The following KHDRBS3 variants were observed in gnomAD, a reference collection of about 807,000 sequenced individuals.
KHDRBS3 encodes the protein KH domain-containing, RNA-binding, signal transduction-associated protein 3.
In KHDRBS3, 23 loss-of-function variants were observed where a neutral mutation model predicts 45.6. The observed-to-expected ratio is 0.50, with a 90% CI of 0.36 to 0.72. The LOEUF (loss-of-function observed/expected upper bound fraction) is 0.72, where lower values mean the gene tolerates loss of function less well. Ranked by LOEUF, KHDRBS3 falls within the 30% of genes least tolerant of loss-of-function variation. The pLI is 0.00. For missense variants in KHDRBS3, 352 were observed against 424.8 expected, an observed-to-expected ratio of 0.83 and a Z score of 1.51; for synonymous variants, 162 against 156.5, an observed-to-expected ratio of 1.04 and a Z score of -0.26.
chr8:135,597,897 G>A (rs923038739), intron 6 of KHDRBS3, among the ~76,000 whole-genome samples: 1 of 151,984 alleles, frequency 6.6e-6, no homozygotes. Context: ...TTGTTTGTAG[G>A]ATTTCTGACT....
chr8:135,561,719 G>T (rs773078628), intron 5 of KHDRBS3, among the ~76,000 whole-genome samples: 1 of 152,004 alleles, frequency 6.6e-6, no homozygotes, highest in African/African-American at 2.4e-5. Flanking sequence ...TGTAACAGTG[G>T]TCTCATAAGA....
intron 5 of KHDRBS3, among the ~76,000 whole-genome samples, chr8:135,563,059 C>T (rs991248458): frequency 6.6e-6 from 1 of 152,190 alleles, no homozygotes; most frequent in Non-Finnish European, 1.5e-5. Flanking sequence ...CTAATCCACA[C>T]TACTCTTCCA....
chr8:135,514,642 G>C (rs1418030243), intron 1 of KHDRBS3, among the ~76,000 whole-genome samples: 1 of 152,216 alleles, frequency 6.6e-6, no homozygotes. Context: ...TTGCACGACA[G>C]TGTGGATGGA....
At chr8:135,586,328 CAA>C (rs35518629) in intron 6 of KHDRBS3, among the ~76,000 whole-genome samples, 3 of 149,434 alleles carry the variant, frequency 2.0e-5, no homozygotes, top group South Asian at 2.1e-4. Context: ...AAAACAAAAC[CAA>C]AAAAAAAAAC....
At chr8:135,490,144 T>A (rs1823071714) in intron 1 of KHDRBS3, among the ~76,000 whole-genome samples, 1 of 152,254 alleles carries the variant, frequency 6.6e-6, no homozygotes, top group Admixed American at 6.5e-5. Flanking sequence ...CCTAGGTGTG[T>A]GTAAGTGCAC....
chr8:135,655,587 T>G (rs1831515830), intron 4 of KHDRBS3, among the ~76,000 whole-genome samples: 1 of 152,210 alleles, frequency 6.6e-6, no homozygotes, highest in Admixed American at 6.5e-5. Flanking sequence ...CTGGGTCCTA[T>G]GGAGCCATCG....
intron 7 of KHDRBS3, among the ~76,000 whole-genome samples, chr8:135,611,509 G>A (rs780224609): frequency 1.8e-4 from 28 of 151,824 alleles, no homozygotes; most frequent in Non-Finnish European, 3.4e-4. Context: ...TTTACTATAT[G>A]GGGCTGCCAT....
At chr8:135,604,684 T>G (rs911233388) in intron 6 of KHDRBS3, among the ~76,000 whole-genome samples, 10 of 151,992 alleles carry the variant, frequency 6.6e-5, no homozygotes, top group African/African-American at 2.4e-4. Flanking sequence ...AATTACATCT[T>G]TGTACATTGC....
chr8:135,506,844 T>C (rs1824021736), intron 1 of KHDRBS3, among the ~76,000 whole-genome samples: 1 of 152,118 alleles, frequency 6.6e-6, no homozygotes, highest in Non-Finnish European at 1.5e-5. Context: ...TTTTTTTTAC[T>C]GACAAATCTA....
intron 1 of KHDRBS3, among the ~76,000 whole-genome samples, chr8:135,460,065 T>A (rs1000244807): frequency 5.9e-5 from 9 of 152,234 alleles, no homozygotes; most frequent in African/African-American, 2.2e-4. Context: ...AAAACATTAA[T>A]TACACGCTTA....
chr8:135,489,638 A>G (rs753945950), intron 1 of KHDRBS3, among the ~76,000 whole-genome samples: 1 of 152,174 alleles, frequency 6.6e-6, no homozygotes, highest in Non-Finnish European at 1.5e-5. Context: ...AGATTGCGCC[A>G]CTGCACTCTA....
intron 1 of KHDRBS3, among the ~76,000 whole-genome samples, chr8:135,518,498 G>A (rs1423001960): frequency 1.3e-5 from 2 of 152,110 alleles, no homozygotes; most frequent in African/African-American, 4.8e-5. Flanking sequence ...AATTGAAAAG[G>A]AGGCAGTTGA....
chr8:135,487,124 G>A (rs1822902674), intron 1 of KHDRBS3, among the ~76,000 whole-genome samples: 1 of 151,750 alleles, frequency 6.6e-6, no homozygotes, highest in Non-Finnish European at 1.5e-5. Flanking sequence ...TTTGTTATTT[G>A]ACACCATTTG....
intron 4 of KHDRBS3, among the ~76,000 whole-genome samples, chr8:135,654,927 C>G (rs1009332048): frequency 2.0e-5 from 3 of 152,188 alleles, no homozygotes; most frequent in African/African-American, 4.8e-5. Flanking sequence ...GCCAAAAGAG[C>G]CTTCTCTTCT....
chr8:135,475,513 T>C (rs1822238764), intron 1 of KHDRBS3, among the ~76,000 whole-genome samples: 1 of 152,012 alleles, frequency 6.6e-6, no homozygotes, highest in Non-Finnish European at 1.5e-5. Context: ...GGTTTCACTG[T>C]GTTGGCCAGG....
intron 6 of KHDRBS3, among the ~76,000 whole-genome samples, chr8:135,592,944 A>G (rs773284061): frequency 6.6e-6 from 1 of 152,100 alleles, no homozygotes; most frequent in African/African-American, 2.4e-5. Flanking sequence ...CACTCCTGTA[A>G]TCCCAGCACT....
At chr8:135,478,525 G>A (rs758589700) in intron 1 of KHDRBS3, among the ~76,000 whole-genome samples, 2 of 152,170 alleles carry the variant, frequency 1.3e-5, no homozygotes, top group African/African-American at 2.4e-5. Flanking sequence ...CACAGGAAAT[G>A]CATTTTTCTC....
intron 6 of KHDRBS3, among the ~76,000 whole-genome samples, chr8:135,592,394 A>G (rs1349793311): frequency 6.6e-6 from 1 of 152,204 alleles, no homozygotes; most frequent in Non-Finnish European, 1.5e-5. Flanking sequence ...TAGTTGAGCT[A>G]TAATGGTTTT....
At chr8:135,584,920 T>C (rs1327542248) in intron 6 of KHDRBS3, among the ~76,000 whole-genome samples, 1 of 152,260 alleles carries the variant, frequency 6.6e-6, no homozygotes, top group Non-Finnish European at 1.5e-5. Flanking sequence ...TAAATTCTTC[T>C]TAAAAAATTT....
Sources: allele counts gnomAD v4.1 joint callset (sites outside exome capture counted in the v4.1 genomes callset), GRCh38; gene constraint gnomAD v4.1.1; transcripts MANE v1.5; gene names NCBI Gene and HGNC (gene_info 2026-07-23, HGNC 2026-07-21).